Variants in MAP3K2 observed in about 807,000 individuals in gnomAD.
MAP3K2 encodes the protein mitogen-activated protein kinase kinase kinase 2.
In MAP3K2, 24 loss-of-function variants were observed where a neutral mutation model predicts 80.3. The observed-to-expected ratio is 0.30, with a 90% confidence interval of 0.22 to 0.42. The LOEUF (loss-of-function observed/expected upper bound fraction) is 0.42, where lower values mean the gene tolerates loss of function less well. MAP3K2 is among the 10% of genes least tolerant of loss of function. MAP3K2 has a pLI of 1.00. For missense variants in MAP3K2, 608 were observed against 750.1 expected (o/e 0.81, Z 2.21); for synonymous variants, 244 against 253.7 (o/e 0.96, Z 0.36).
rs975059308 is a variant in MAP3K2 at position 127,380,941 on chromosome 2, T to A, written c.-66+6511A>T. Reference sequence around the variant, plus strand: ...AAAAATGAAGTTCACTACAAACATATCTCATCAGAAATTCATTCTTTATTC... The same window carrying A: ...AAAAATGAAGTTCACTACAAACATAACTCATCAGAAATTCATTCTTTATTC... On this transcript the variant is annotated intron_variant, in intron 1 of 16. Coordinates refer to ENST00000682094, the MANE Select transcript of MAP3K2 (RefSeq NM_001371910.2). 5.9e-5 allele frequency among the ~76,000 whole-genome samples: 9 copies of A among 152,336 alleles called. No homozygotes were observed. In the East Asian group the frequency reaches 1.7e-3, roughly 29 times the overall value.
rs559844357 is a variant in MAP3K2, at chr2:127,370,783, C to T, written c.-66+16669G>A. 7.2e-5 allele frequency among the ~76,000 whole-genome samples: 11 copies of T among 152,248 alleles called. No homozygotes were observed. In the South Asian group the frequency reaches 1.0e-3, roughly 14 times the overall value. On this transcript the variant is annotated intron_variant, in intron 1 of 16. Transcript: ENST00000682094. ...GCTTTAGTTAGGGCAGCTCTGGCCC[C>T]GTTATACACAGAAGAGCCTAAAAAG...
chr2:127,302,388 T>A lies in MAP3K2; in HGVS notation c.*5191A>T, dbSNP rs968327440. On this transcript the variant is annotated 3_prime_UTR_variant, in exon 17 of 17. Transcript: ENST00000682094. Reference sequence around the variant, plus strand: ...TTCCAAAACCAGAAACTGACCTAATTGAACACTCATACCTTTCCCCTTCTT... The same window carrying A: ...TTCCAAAACCAGAAACTGACCTAATAGAACACTCATACCTTTCCCCTTCTT... 1.3e-5 allele frequency: 2 copies of A among 152,026 alleles called. No individual in the cohort carries two copies. The highest frequency in any genetic ancestry group is 4.8e-5 in the African/African-American group (2 of 41,384). The allele number at this position is 152,026 out of a possible 1,614,324, so 9.4% of individuals were successfully genotyped here.
At chr2:127,362,174 G>A (rs191256873) in intron 1 of MAP3K2, among the ~76,000 whole-genome samples, 234 of 152,300 alleles carry the variant, frequency 1.5e-3, no homozygotes, top group African/African-American at 5.0e-3. Flanking sequence ...GAGCTCAGAC[G>A]GTGGAACCAG....
At chr2:127,343,745 G>A (rs2104850521) in intron 1 of MAP3K2, among the ~76,000 whole-genome samples, 1 of 152,306 alleles carries the variant, frequency 6.6e-6, no homozygotes, top group Non-Finnish European at 1.5e-5. Context: ...ATGACCAAGT[G>A]CAGTGGCTCA....
chr2:127,374,929 AG>A (rs968259239), intron 1 of MAP3K2, among the ~76,000 whole-genome samples: 1 of 152,208 alleles, frequency 6.6e-6, no homozygotes, highest in South Asian at 2.1e-4. Flanking sequence ...AAAACAAAAA[AG>A]GGGGAATATG....
chr2:127,341,020 C>A (rs116599156), intron 2 of MAP3K2, among the ~76,000 whole-genome samples: 1 of 151,910 alleles, frequency 6.6e-6, no homozygotes, highest in African/African-American at 2.4e-5. Flanking sequence ...GATGGATTCT[C>A]GCTCTATTGC....
intron 4 of MAP3K2, 52 bp from the exon 5 acceptor site, chr2:127,336,021 A>G: frequency 8.8e-7 from 1 of 1,137,750 alleles, no homozygotes; most frequent in Non-Finnish European, 1.3e-6. Context: ...GTTAAATAAT[A>G]AACTTGCAAA....
At chr2:127,342,443 A>G (rs1267279305) in intron 2 of MAP3K2, among the ~76,000 whole-genome samples, 1 of 147,268 alleles carries the variant, frequency 6.8e-6, no homozygotes, top group Non-Finnish European at 1.5e-5. Context: ...TTAAGCAAGA[A>G]GTAGAAAATG....
intron 1 of MAP3K2, among the ~76,000 whole-genome samples, chr2:127,347,358 G>A (rs1422482447): frequency 1.3e-5 from 2 of 152,050 alleles, no homozygotes; most frequent in Admixed American, 6.5e-5. Flanking sequence ...AACAAAAACA[G>A]TATTAGAATC....
Position 127,302,477 on chromosome 2 carries a change from A to G in MAP3K2, c.*5102T>C, listed in dbSNP as rs948122821. ...CACACACACACATGCATGCAAACGC[A>G]CACATACATGCACACATGCACACAC... is the stretch of plus-strand genomic sequence containing the variant. On this transcript the variant is annotated 3_prime_UTR_variant, in exon 17 of 17. Coordinates refer to ENST00000682094, the MANE Select transcript of MAP3K2 (RefSeq NM_001371910.2). 6.6e-6 allele frequency: 1 copy of G among 152,060 alleles called. No individual in the cohort carries two copies. The highest frequency in any genetic ancestry group is 2.1e-4 in the South Asian group (1 of 4,816). 9.4% of individuals were successfully genotyped at this position (152,060 alleles called of 1,614,324 possible). A position where few individuals can be genotyped will look rare whatever the true frequency, so the allele number is the denominator to read the frequency against.
rs748664019 is a variant in MAP3K2, at chr2:127,314,713, A to G, written c.1456+41T>C. On this transcript the variant is annotated intron_variant, in intron 15 of 16. Transcript: ENST00000682094. ...ATCACTTGTTTCATTCACATTCACT[A>G]AGAACTGTGTACTTAAAATAGAAAA... is the stretch of plus-strand genomic sequence containing the variant. The G allele has an allele frequency of 4.7e-6, 7 of 1,486,962 alleles. No homozygotes were observed. The African/African-American group carries it at 7.0e-5, about 15-fold the overall frequency. 92.1% of individuals were successfully genotyped at this position (1,486,962 alleles called of 1,614,324 possible). A position where few individuals can be genotyped will look rare whatever the true frequency, so the allele number is the denominator to read the frequency against.
At chr2:127,355,322 A>C (rs888452962) in intron 1 of MAP3K2, among the ~76,000 whole-genome samples, 2 of 152,210 alleles carry the variant, frequency 1.3e-5, no homozygotes, top group African/African-American at 2.4e-5. Context: ...CATCAGGAAT[A>C]ATGCAAACGA....
At chr2:127,375,417 TA>T (rs201161860) in intron 1 of MAP3K2, among the ~76,000 whole-genome samples, 2,439 of 150,186 alleles carry the variant, frequency 0.016, 32 homozygotes, top group East Asian at 0.034. Context: ...TTTATTTATT[TA>T]TTTTTTTTTT....
At chr2:127,379,171 G>C (rs1687201940) in intron 1 of MAP3K2, among the ~76,000 whole-genome samples, 1 of 151,798 alleles carries the variant, frequency 6.6e-6, no homozygotes, top group East Asian at 1.9e-4. Context: ...TGTATCATTT[G>C]TATTCCCCTT....
Position 127,300,870 on chromosome 2 carries a change from T to A in MAP3K2, c.*6709A>T. 1 of 152,330 alleles carries A rather than the reference T, an allele frequency of 6.6e-6. No individual in the cohort carries two copies. Among genetic ancestry groups the A allele is most frequent in the East Asian group, 1.9e-4 (1 of 5,196 alleles). 9.4% of individuals were successfully genotyped at this position (152,330 alleles called of 1,614,324 possible). A position where few individuals can be genotyped will look rare whatever the true frequency, so the allele number is the denominator to read the frequency against. On this transcript the variant is annotated 3_prime_UTR_variant, in exon 17 of 17. Transcript: ENST00000682094. ...AATTCTTTGGAAAAGTAAGAATACA[T>A]CAAATCCATTTTGTAGTCTATCTAA... is the stretch of plus-strand genomic sequence containing the variant.
intron 5 of MAP3K2, among the ~76,000 whole-genome samples, chr2:127,331,251 T>A (rs569167323): frequency 1.8e-4 from 27 of 151,676 alleles, no homozygotes; most frequent in East Asian, 3.9e-4. Flanking sequence ...GTCCTTTTTT[T>A]AAAAAAAAAG....
chr2:127,331,388 A>G (rs1190184520), intron 5 of MAP3K2, among the ~76,000 whole-genome samples: 4 of 152,194 alleles, frequency 2.6e-5, no homozygotes, highest in Admixed American at 1.3e-4. Flanking sequence ...TCAGCACAAT[A>G]TATGAGCCAT....
chr2:127,357,069 G>A (rs1177807871), intron 1 of MAP3K2, among the ~76,000 whole-genome samples: 4 of 152,086 alleles, frequency 2.6e-5, no homozygotes, highest in Non-Finnish European at 5.9e-5. Flanking sequence ...CATGGGCAAA[G>A]GACATGAACA....
At chr2:127,360,368 T>TAAA (rs58395927) in intron 1 of MAP3K2, among the ~76,000 whole-genome samples, 1 of 125,378 alleles carries the variant, frequency 8.0e-6, no homozygotes, top group Non-Finnish European at 1.7e-5. Flanking sequence ...ATCACTGGTT[T>TAAA]AAAAAAAAAA....
Sources: allele counts gnomAD v4.1 joint callset (sites outside exome capture counted in the v4.1 genomes callset), GRCh38; gene constraint gnomAD v4.1.1; transcripts MANE v1.5; gene names NCBI Gene and HGNC (gene_info 2026-07-23, HGNC 2026-07-21).